Variants in E4F1 observed in about 807,000 individuals in gnomAD.
E4F1 encodes the protein E4F transcription factor 1.
A neutral mutation model predicts 72.9 loss-of-function variants in E4F1; 30 were observed. The observed-to-expected ratio is 0.41, with a 90% CI of 0.31 to 0.56. E4F1 has a LOEUF of 0.56. Among genes scored for constraint, E4F1 ranks in the 20% least tolerant of loss-of-function variants. E4F1 has a pLI of 0.25. For missense variants in E4F1, 1,091 were observed against 1,117.5 expected (o/e 0.98, Z 0.34); for synonymous variants, 542 against 478.2 (o/e 1.13, Z -1.74).
rs1353684188 is a variant in E4F1 at position 2,233,858 on chromosome 16, G to A, written c.1267-24G>A. 3 of 1,558,398 alleles carry A rather than the reference G, an allele frequency of 1.9e-6. No individual in the cohort carries two copies. The South Asian group carries it at 3.5e-5, about 18-fold the overall frequency. Reference sequence around the variant, plus strand: ...CAGGGCACAGCCTGCCCCGGGTGCTGGAGACCTTCCTGTGGTTCCCCAGCA... The same window carrying A: ...CAGGGCACAGCCTGCCCCGGGTGCTAGAGACCTTCCTGTGGTTCCCCAGCA... On this transcript the variant is annotated intron_variant, in intron 8 of 13. Transcript: ENST00000301727.
intron 2 of E4F1, 125 bp from the exon 3 acceptor site, chr16:2,229,445 G>T: frequency 1.0e-6 from 1 of 981,772 alleles, no homozygotes; most frequent in Non-Finnish European, 1.5e-6. Flanking sequence ...CAAGGACGTG[G>T]ACCCAGGCCT....
At chr16:2,232,639 C>T in intron 5 of E4F1, 63 bp downstream of exon 5, 1 of 1,604,178 alleles carries the variant, frequency 6.2e-7, no homozygotes, top group Non-Finnish European at 8.5e-7. Context: ...CTGGGGTGCC[C>T]CAGCCTCGCA....
In E4F1 at chr16:2,233,800, G is replaced by A. The variant is rs1319542363; in HGVS notation, c.1267-82G>A. ...CCTGGGGCCACAAGGGAGCCTGCCAGGGTGGGGCCCATGGTTGTGTTCTTG... is the reference window on the plus strand; with the variant it reads ...CCTGGGGCCACAAGGGAGCCTGCCAAGGTGGGGCCCATGGTTGTGTTCTTG... On this transcript the variant is annotated intron_variant, in intron 8 of 13. Transcript: ENST00000301727. 2.8e-6 allele frequency: 4 copies of A among 1,436,260 alleles called. No homozygotes were observed. The African/African-American group carries it at 4.3e-5, about 15-fold the overall frequency. The allele number at this position is 1,436,260 out of a possible 1,614,324, so 89.0% of individuals were successfully genotyped here. A position where few individuals can be genotyped will look rare whatever the true frequency, so the allele number is the denominator to read the frequency against.
intron 1 of E4F1, among the ~76,000 whole-genome samples, chr16:2,225,209 T>C (rs1376778957): frequency 6.6e-6 from 1 of 151,958 alleles, no homozygotes; most frequent in African/African-American, 2.4e-5. Context: ...CAAGACTGTC[T>C]CAAAAAAAGA....
Position 2,234,941 on chromosome 16 carries a change from G to T in E4F1, c.1875G>T (p.Pro625=), listed in dbSNP as rs762289883. Residue 625 remains proline (P), a synonymous_variant, in exon 12 of 14, where the codon CCG becomes CCT. Transcript: ENST00000301727. ...CCACCACCGTCCTCACGGAAGACCCGCACACAGTGTTGGTGGAGTTCTCGT... is the reference window on the plus strand; with the variant it reads ...CCACCACCGTCCTCACGGAAGACCCTCACACAGTGTTGGTGGAGTTCTCGT... ...AAATTVLTED[P]HTVLVEFSSV... is the part of the protein sequence containing the mutation. 6.3e-7 allele frequency: 1 copy of T among 1,577,686 alleles called. No individual in the cohort carries two copies. The highest frequency in any genetic ancestry group is 1.8e-5 in the Admixed American group (1 of 54,538).
At chr16:2,229,026 C>T (rs1270041548) in intron 2 of E4F1, among the ~76,000 whole-genome samples, 1 of 152,216 alleles carries the variant, frequency 6.6e-6, no homozygotes, top group Non-Finnish European at 1.5e-5. Context: ...CCGCATTGCA[C>T]GGTCAGGAGA....
At chr16:2,223,893 C>G (rs751663604) in intron 1 of E4F1, 123 bp downstream of exon 1, 3 of 1,532,284 alleles carry the variant, frequency 2.0e-6, no homozygotes, top group South Asian at 1.2e-5. Context: ...CCTCGCGGAT[C>G]TCGCGGGACC....
At chr16:2,225,813 A>AG (rs1252759936) in intron 1 of E4F1, among the ~76,000 whole-genome samples, 5 of 149,356 alleles carry the variant, frequency 3.3e-5, no homozygotes, top group African/African-American at 1.2e-4. Flanking sequence ...AAAAAAAAAA[A>AG]GGCTGGGCGC....
chr16:2,229,118 T>A (rs2093450160), intron 2 of E4F1, among the ~76,000 whole-genome samples: 1 of 152,226 alleles, frequency 6.6e-6, no homozygotes, highest in Non-Finnish European at 1.5e-5. Context: ...CACCCCACTC[T>A]GAGCCTGTGC....
intron 1 of E4F1, among the ~76,000 whole-genome samples, chr16:2,225,590 C>T (rs1173377676): frequency 2.0e-5 from 3 of 151,350 alleles, no homozygotes; most frequent in Non-Finnish European, 2.9e-5. Flanking sequence ...TCTCCTGACT[C>T]GGCCTCCTGA....
At chr16:2,229,448 C>G in intron 2 of E4F1, 122 bp from the exon 3 acceptor site, 2 of 1,027,722 alleles carry the variant, frequency 1.9e-6, no homozygotes, top group South Asian at 1.4e-5. Flanking sequence ...GGACGTGGAC[C>G]CAGGCCTGAG....
rs1040167793 is a variant in E4F1, at chr16:2,232,363, C to T, written c.608C>T (p.Thr203Met). The T allele has an allele frequency of 1.4e-5, 23 of 1,600,604 alleles. No individual in the cohort carries two copies. The highest frequency in any genetic ancestry group is 2.7e-5 in the African/African-American group (2 of 74,676). The change falls in exon 4 of 14, where the codon ACG (threonine) becomes ATG (methionine). Residue 203 changes from threonine to methionine, a missense_variant and splice_region_variant. By Grantham distance (81) the Thr-to-Met change is moderately conservative. This residue lies in a region of E4F1 where 362 missense variants were observed against 358.6 expected (regional missense o/e 1.01). Coordinates refer to ENST00000301727, the MANE Select transcript of E4F1 (RefSeq NM_004424.5). ...GCGCTGTGCCACAAGACCTTCAAGA[C>T]GGTGAGCCGGCGTGCGGGGAGCCAG... ...VCALCHKTFK[T>M]GSILKAHMVT...
chr16:2,232,097 C>T (rs2093470749), intron 3 of E4F1, 74 bp from the exon 4 acceptor site: 28 of 1,575,512 alleles, frequency 1.8e-5, no homozygotes, highest in Non-Finnish European at 2.4e-5. Context: ...AGGTCCCCTC[C>T]CCTGGAGCCA....
intron 1 of E4F1, among the ~76,000 whole-genome samples, chr16:2,224,701 T>A (rs1455492099): frequency 6.6e-6 from 1 of 151,650 alleles, no homozygotes; most frequent in Admixed American, 6.6e-5. Context: ...GAGAATGGCG[T>A]GAACTCGGGA....
At position 2,235,558 on chromosome 16, in the gene E4F1, ACGGTCATCGT is replaced by A. The variant is rs779963235; in HGVS notation, c.2343_2352del (p.Val782SerfsTer28). The stretch of plus-strand genomic sequence containing the variant: ...GCCGGAGGGCCAGCTGGAGGTGCAG[ACGGTCATCGT>A]CTAGCATGAGGTCTGCGGGGTCCTG... On this transcript the variant is annotated frameshift_variant, in exon 14 of 14. Coordinates refer to ENST00000301727, the MANE Select transcript of E4F1 (RefSeq NM_004424.5). LOFTEE classifies it high-confidence loss of function. 7.5e-6 allele frequency: 12 copies of A among 1,597,074 alleles called. No individual in the cohort carries two copies. The highest frequency in any genetic ancestry group is 7.7e-6 in the Non-Finnish European group (9 of 1,169,496).
rs749206599 is a variant in E4F1, at chr16:2,233,509, G to T, written c.1128G>T (p.Gln376His). 1.5e-5 allele frequency: 22 copies of T among 1,515,546 alleles called. No individual in the cohort carries two copies. The highest frequency in any genetic ancestry group is 2.1e-5 in the Admixed American group (1 of 47,452). The allele number at this position is 1,515,546 out of a possible 1,614,324, so 93.9% of individuals were successfully genotyped here. The change falls in exon 8 of 14, where the codon CAG becomes CAT. Residue 376 changes from glutamine to histidine, a missense_variant. This residue lies in a region of E4F1 where 622 missense variants were observed against 628.0 expected (regional missense o/e 0.99). Coordinates refer to ENST00000301727, the MANE Select transcript of E4F1 (RefSeq NM_004424.5). ...AGAACCTGCTGCACCAGGCCATGCA[G>T]AACTCCGGCATCGTCCTTGAGCGCG... Reference protein sequence around the residue: ...SRENLLHQAMQNSGIVLERAA... With the variant: ...SRENLLHQAMHNSGIVLERAA...
chr16:2,224,169 G>A (rs775051878), intron 1 of E4F1, among the ~76,000 whole-genome samples: 1 of 152,226 alleles, frequency 6.6e-6, no homozygotes, highest in East Asian at 1.9e-4. Flanking sequence ...CCAAGAGGGT[G>A]GGGCCTCGGT....
In E4F1 at chr16:2,233,467, C is replaced by T; in HGVS notation, c.1086C>T (p.Ser362=). 2 of 1,505,534 alleles carry T rather than the reference C, an allele frequency of 1.3e-6. No individual in the cohort carries two copies. Among genetic ancestry groups the T allele is most frequent in the South Asian group, 1.3e-5 (1 of 75,268 alleles). The allele number at this position is 1,505,534 out of a possible 1,614,324, so 93.3% of individuals were successfully genotyped here. ...CCGTCTCCCAGGAGCTCCCCTGCTC[C>T]AGCGAGGGCAGCCGTGAGAACCTGC... The part of the protein sequence containing the change: ...EPPVSQELPC[S]SEGSRENLLH... The change falls in exon 8 of 14, where the codon TCC becomes TCT. Residue 362 remains serine, a synonymous_variant. Transcript: ENST00000301727.
chr16:2,228,155 G>T lies in E4F1; in HGVS notation c.158-217G>T, dbSNP rs1023132197. The T allele has an allele frequency of 9.7e-6, 6 of 620,776 alleles. No individual in the cohort carries two copies. The Admixed American group carries it at 1.5e-4, about 16-fold the overall frequency. 38.5% of individuals were successfully genotyped at this position (620,776 alleles called of 1,614,324 possible). On this transcript the variant is annotated intron_variant, in intron 1 of 13. Coordinates refer to ENST00000301727, the MANE Select transcript of E4F1 (RefSeq NM_004424.5). ...CTCTGCTGGGTGCTGACCTCCTGAG[G>T]GTGGGTCTGGCCCCTGCAGACCTGC...
Sources: gnomAD v4.1 joint callset for allele counts (sites outside exome capture counted in the v4.1 genomes callset) on GRCh38, gnomAD v4.1.1 for gene constraint, gnomAD v4.1.1 regional missense constraint, MANE v1.5 for transcripts, NCBI Gene and HGNC (gene_info 2026-07-23, HGNC 2026-07-21) for gene names.